SIL1: variants seen among roughly 807,000 people sequenced by gnomAD.
The protein encoded by SIL1 is nucleotide exchange factor SIL1.
SIL1 carries 40 observed loss-of-function variants against 49.1 expected under a neutral mutation model. The observed-to-expected ratio is 0.81, with a 90% CI of 0.63 to 1.06. SIL1 has a LOEUF of 1.06. SIL1 is among the 50% of genes least tolerant of loss of function. SIL1 has a pLI of 0.00. For missense variants in SIL1, 500 were observed against 572.6 expected (o/e 0.87, Z 1.29); for synonymous variants, 253 against 250.8 (o/e 1.01, Z -0.08).
intron 1 of SIL1, among the ~76,000 whole-genome samples, chr5:139,188,855 C>G (rs935411920): frequency 1.3e-5 from 2 of 152,194 alleles, no homozygotes; most frequent in African/African-American, 4.8e-5. Context: ...GCCCCCGAAA[C>G]AAGGCCTGCT....
intron 7 of SIL1, among the ~76,000 whole-genome samples, chr5:138,973,163 T>G (rs1767317879): frequency 6.9e-6 from 1 of 145,284 alleles, no homozygotes; most frequent in African/African-American, 2.6e-5. Context: ...GTAACAAACC[T>G]GCGCGTTGTG....
intron 7 of SIL1, among the ~76,000 whole-genome samples, chr5:139,005,246 G>T (rs1025847545): frequency 3.1e-5 from 4 of 129,194 alleles, no homozygotes; most frequent in Non-Finnish European, 6.9e-5. Flanking sequence ...TATCTGCCAA[G>T]TAAAAAAAAA....
At chr5:139,158,109 G>A (rs2151809298) in intron 1 of SIL1, among the ~76,000 whole-genome samples, 1 of 152,270 alleles carries the variant, frequency 6.6e-6, no homozygotes, top group East Asian at 1.9e-4. Context: ...TATTACTGAT[G>A]AGGCAGCTGA....
intron 7 of SIL1, among the ~76,000 whole-genome samples, chr5:138,995,318 G>T (rs2150408219): frequency 6.6e-6 from 1 of 151,424 alleles, no homozygotes; most frequent in South Asian, 2.1e-4. Context: ...CGTGATCTCG[G>T]CTCACCACAA....
At chr5:139,069,328 C>G (rs1769777048) in intron 3 of SIL1, among the ~76,000 whole-genome samples, 1 of 151,628 alleles carries the variant, frequency 6.6e-6, no homozygotes, top group African/African-American at 2.4e-5. Context: ...TGCTAGAACT[C>G]AATGAAGAAT....
intron 1 of SIL1, among the ~76,000 whole-genome samples, chr5:139,167,238 G>A (rs1229615918): frequency 1.3e-5 from 2 of 152,130 alleles, no homozygotes; most frequent in Admixed American, 1.3e-4. Context: ...GAAATTACAG[G>A]CGTGAGCCAC....
intron 7 of SIL1, among the ~76,000 whole-genome samples, chr5:138,972,708 C>A (rs1767305647): frequency 6.6e-6 from 1 of 152,216 alleles, no homozygotes; most frequent in Admixed American, 6.5e-5. Context: ...TTGTTAATCC[C>A]AGAGAAACAG....
At chr5:139,003,874 C>T (rs1768049399) in intron 7 of SIL1, among the ~76,000 whole-genome samples, 1 of 152,148 alleles carries the variant, frequency 6.6e-6, no homozygotes, top group Admixed American at 6.5e-5. Context: ...TGAACAGGAC[C>T]TTAATGAGAA....
intron 1 of SIL1, among the ~76,000 whole-genome samples, chr5:139,142,053 A>G (rs1387673835): frequency 1.3e-5 from 2 of 152,218 alleles, no homozygotes; most frequent in Admixed American, 6.5e-5. Context: ...GGCAGTTTCC[A>G]GGCTGCATAA....
intron 7 of SIL1, among the ~76,000 whole-genome samples, chr5:138,976,807 T>A (rs1345754557): frequency 6.6e-6 from 1 of 152,136 alleles, no homozygotes; most frequent in African/African-American, 2.4e-5. Flanking sequence ...TGAGAATGTA[T>A]TACTTAAATA....
intron 1 of SIL1, among the ~76,000 whole-genome samples, chr5:139,170,839 C>T (rs1332018094): frequency 1.9e-4 from 28 of 147,382 alleles, no homozygotes; most frequent in East Asian, 1.0e-3. Context: ...GTCAGCCCCC[C>T]GCCCGGCCAG....
chr5:139,130,267 G>C (rs1478184086), intron 1 of SIL1, among the ~76,000 whole-genome samples: 3 of 152,010 alleles, frequency 2.0e-5, no homozygotes, highest in Admixed American at 6.6e-5. Flanking sequence ...CTGGGCAACA[G>C]AGTGAGATTC....
chr5:139,056,553 G>A (rs1291293237), intron 3 of SIL1, among the ~76,000 whole-genome samples: 8 of 150,350 alleles, frequency 5.3e-5, no homozygotes, highest in Non-Finnish European at 1.0e-4. Flanking sequence ...AGGTGGGGGG[G>A]TCAGCCCCCC....
chr5:139,034,580 C>T (rs1768862046), intron 5 of SIL1: 1 of 152,260 alleles, frequency 6.6e-6, no homozygotes, highest in Admixed American at 6.5e-5. Context: ...TGTTTTATCA[C>T]TTTGAGTGAA....
intron 1 of SIL1, among the ~76,000 whole-genome samples, chr5:139,152,808 A>T (rs1400690185): frequency 6.6e-6 from 1 of 152,004 alleles, no homozygotes; most frequent in Non-Finnish European, 1.5e-5. Context: ...CAGCAGCTTC[A>T]TCTCTTTCCT....
chr5:139,108,919 G>A (rs1770784564), intron 3 of SIL1, among the ~76,000 whole-genome samples: 3 of 145,164 alleles, frequency 2.1e-5, no homozygotes, highest in Admixed American at 2.0e-4. Context: ...AAAAAAAAAA[G>A]AGTATTGTGT....
At chr5:139,108,071 C>T (rs1770759181) in intron 3 of SIL1, 1 of 152,208 alleles carries the variant, frequency 6.6e-6, no homozygotes, top group Non-Finnish European at 1.5e-5. Context: ...AGCTCTTGGC[C>T]ATTCCCTCTC....
chr5:138,975,946 A>G (rs1222600705), intron 7 of SIL1, among the ~76,000 whole-genome samples: 5 of 152,262 alleles, frequency 3.3e-5, no homozygotes, highest in African/African-American at 1.2e-4. Flanking sequence ...ACTACATCTG[A>G]GAATAATTTG....
intron 7 of SIL1, among the ~76,000 whole-genome samples, chr5:138,977,176 G>A (rs1376444975): frequency 6.6e-6 from 1 of 152,156 alleles, no homozygotes; most frequent in Admixed American, 6.5e-5. Context: ...CAGACATCAC[G>A]GTCCTGAGTC....
Sources: gnomAD v4.1 joint callset for allele counts (sites outside exome capture counted in the v4.1 genomes callset) on GRCh38, gnomAD v4.1.1 for gene constraint, MANE v1.5 for transcripts, NCBI Gene and HGNC (gene_info 2026-07-23, HGNC 2026-07-21) for gene names.